USO1: variants seen among roughly 807,000 people sequenced by gnomAD.
The protein encoded by USO1 is general vesicular transport factor p115.
A neutral mutation model predicts 124.5 loss-of-function variants in USO1; 57 were observed. The observed-to-expected ratio is 0.46, with a 90% CI of 0.37 to 0.57. USO1 has a LOEUF of 0.57. USO1 is among the 20% of genes least tolerant of loss of function. The pLI, the probability that USO1 is intolerant of heterozygous loss-of-function variation, is 0.00. For synonymous variants in USO1, 369 were observed against 362.8 expected (o/e 1.02, Z -0.19); for missense variants, 900 against 1,040.6 (o/e 0.86, Z 1.86).
In USO1 at chr4:75,806,553, A is replaced by G. The variant is rs1219395237; in HGVS notation, c.2357A>G (p.Gln786Arg). ...ATAGTTTCAGCTAGAGATTCTGAAC[A>G]AGTTGCAGAATTAAAACAGGTAATT... ...SAIVSARDSE[Q>R]VAELKQELAT... The change falls in exon 20 of 24, where the codon CAA (glutamine) becomes CGA (arginine). Residue 786 changes from glutamine to arginine, a missense_variant. Transcript: ENST00000514213. The G allele has an allele frequency of 6.4e-7, 1 of 1,556,732 alleles. No individual in the cohort carries two copies.
At chr4:75,751,550 G>T (rs1381597556) in intron 1 of USO1, among the ~76,000 whole-genome samples, 2 of 147,784 alleles carry the variant, frequency 1.4e-5, no homozygotes, top group Non-Finnish European at 1.5e-5. Flanking sequence ...TTTGGTTTTG[G>T]CCGGGCGCAG....
At chr4:75,779,262 G>A (rs1343250345) in intron 8 of USO1, among the ~76,000 whole-genome samples, 4 of 151,982 alleles carry the variant, frequency 2.6e-5, no homozygotes, top group African/African-American at 7.3e-5. Context: ...TTGAAATCAG[G>A]CAAATTAATA....
intron 13 of USO1, 53 bp from the exon 14 acceptor site, chr4:75,799,569 G>C: frequency 6.3e-7 from 1 of 1,596,642 alleles, no homozygotes; most frequent in Non-Finnish European, 8.5e-7. Context: ...GCAACTTTAA[G>C]TTTGAAAAAT....
At chr4:75,805,350 C>T in intron 19 of USO1, 47 bp downstream of exon 19, 3 of 1,462,208 alleles carry the variant, frequency 2.1e-6, no homozygotes, top group South Asian at 1.5e-5. Context: ...AAGAGTGGTT[C>T]TCATTATCCT....
intron 1 of USO1, among the ~76,000 whole-genome samples, chr4:75,743,643 C>T (rs575035956): frequency 2.0e-5 from 3 of 152,254 alleles, no homozygotes; most frequent in Admixed American, 6.5e-5. Flanking sequence ...AGTACTTGAA[C>T]GGTGTTTCCC....
intron 7 of USO1, 96 bp downstream of exon 7, chr4:75,771,233 G>C: frequency 7.4e-7 from 1 of 1,350,978 alleles, no homozygotes; most frequent in Non-Finnish European, 9.9e-7. Context: ...ATTAGATTTA[G>C]AAAGCTGGAG....
At chr4:75,782,966 G>A (rs1289282110) in intron 9 of USO1, 108 bp downstream of exon 9, 7 of 1,387,912 alleles carry the variant, frequency 5.0e-6, no homozygotes, top group Non-Finnish European at 6.6e-6. Context: ...TGGATTTCAG[G>A]TTGGCTTAAA....
rs201097456 is a variant in USO1, at chr4:75,801,196, A to G, written c.1982A>G (p.Glu661Gly). Residue 661 changes from glutamate to glycine, a missense_variant, in exon 17 of 24, where the codon GAG becomes GGG. Glu to Gly is a moderately conservative substitution (Grantham distance 98). Transcript: ENST00000514213. ...IVTHYKNMIR[E>G]QDLQLEELRQ... is the part of the protein sequence containing the mutation. ...ACTCACTACAAAAATATGATTCGAG[A>G]GCAGGTAAGTACTAATGAACTGTAT... 4.0e-4 allele frequency: 646 copies of G among 1,606,920 alleles called. No homozygotes were observed. The highest frequency in any genetic ancestry group is 5.3e-4 in the Non-Finnish European group (625 of 1,177,590).
rs898147308 is a variant in USO1, at chr4:75,751,448, G to A, written c.67-925G>A. On this transcript the variant is annotated intron_variant, in intron 1 of 23. Transcript: ENST00000514213. ...GCTCATCTAGAGCTCCTGACTTCAG[G>A]TGATCCACCCGCCTCGGCCTCCCAA... Among the ~76,000 whole-genome samples the A allele has an allele frequency of 4.5e-3, 671 of 148,940 alleles. 1 individual carries two copies. Among genetic ancestry groups the A allele is most frequent in the Non-Finnish European group, 7.0e-3 (468 of 67,002 alleles).
Position 75,793,918 on chromosome 4 carries a change from G to A in USO1, c.1452+17G>A, listed in dbSNP as rs1439391292. On this transcript the variant is annotated intron_variant, in intron 13 of 23. Transcript: ENST00000514213. ...CTTTCACAGGTAAAGTTTTGCATAAGGGAAAAAGTTCTATACATTTTGATG... is the reference window on the plus strand; with the variant it reads ...CTTTCACAGGTAAAGTTTTGCATAAAGGAAAAAGTTCTATACATTTTGATG... The A allele has an allele frequency of 1.2e-6, 2 of 1,613,084 alleles. No individual in the cohort carries two copies. Among genetic ancestry groups the A allele is most frequent in the East Asian group, 4.5e-5 (2 of 44,856 alleles).
Position 75,782,746 on chromosome 4 carries a change from AT to A in USO1, c.750del (p.Phe250LeufsTer10). 6.3e-7 allele frequency: 1 copy of A among 1,583,776 alleles called. No homozygotes were observed. The highest frequency in any genetic ancestry group is 1.9e-5 in the Admixed American group (1 of 53,704). ...NLLKNNNSNQ[N>X]FFKEGSYIQR... is the part of the protein sequence containing the mutation. ...TTAAAAAACAACAACTCCAATCAAAATTTTTTTAAAGAAGGCTCATATATTC... is the reference window on the plus strand; with the variant it reads ...TTAAAAAACAACAACTCCAATCAAAATTTTTTAAAGAAGGCTCATATATTC... On this transcript the variant is annotated frameshift_variant, in exon 9 of 24. Transcript: ENST00000514213. LOFTEE classifies it high-confidence loss of function.
chr4:75,734,093 A>G (rs1333386440), intron 1 of USO1, among the ~76,000 whole-genome samples: 2 of 151,612 alleles, frequency 1.3e-5, no homozygotes, highest in Admixed American at 6.6e-5. Flanking sequence ...CTACAGATGC[A>G]CACCACCACA....
chr4:75,743,838 G>A (rs549189814), intron 1 of USO1, among the ~76,000 whole-genome samples: 40 of 152,072 alleles, frequency 2.6e-4, no homozygotes, highest in African/African-American at 5.8e-4. Context: ...GTGCAGTGGC[G>A]CGATCTTGGC....
intron 1 of USO1, among the ~76,000 whole-genome samples, chr4:75,751,944 C>G (rs1288282360): frequency 6.6e-6 from 1 of 151,790 alleles, no homozygotes; most frequent in East Asian, 1.9e-4. Context: ...TTGACTTCTT[C>G]TTGTTCAGAT....
At chr4:75,724,917 A>T in intron 1 of USO1, 32 bp downstream of exon 1, 1 of 1,611,612 alleles carries the variant, frequency 6.2e-7, no homozygotes, top group South Asian at 1.1e-5. Flanking sequence ...GGACTTGGGA[A>T]GGGGTCCGGG....
chr4:75,801,249 T>C, intron 17 of USO1, 49 bp downstream of exon 17: 1 of 1,483,634 alleles, frequency 6.7e-7, no homozygotes, highest in South Asian at 1.5e-5. Context: ...ATAGGCACTT[T>C]CTGCTTTAAG....
chr4:75,756,705 C>T (rs568231245), intron 3 of USO1, among the ~76,000 whole-genome samples: 59 of 151,688 alleles, frequency 3.9e-4, no homozygotes, highest in South Asian at 1.2e-3. Flanking sequence ...GGGGTTTCTC[C>T]GTCTCTACTT....
At chr4:75,729,803 T>C (rs116041801) in intron 1 of USO1, 387 of 202,114 alleles carry the variant, frequency 1.9e-3, no homozygotes, top group African/African-American at 8.1e-3. Flanking sequence ...AACATTGTTA[T>C]GGGGTCTCTT....
intron 12 of USO1, 107 bp downstream of exon 12, chr4:75,790,904 T>G: frequency 1.0e-5 from 13 of 1,244,170 alleles, no homozygotes; most frequent in East Asian, 2.9e-5. Flanking sequence ...TTTGCATGCT[T>G]AGGAGAGAAA....
Sources: gnomAD v4.1 joint callset for allele counts (sites outside exome capture counted in the v4.1 genomes callset) on GRCh38, gnomAD v4.1.1 for gene constraint, MANE v1.5 for transcripts, NCBI Gene and HGNC (gene_info 2026-07-23, HGNC 2026-07-21) for gene names.